The following NFIA variants were observed in gnomAD, a reference collection of about 807,000 sequenced individuals.
NFIA encodes the protein nuclear factor 1 A-type.
A neutral mutation model predicts 62.8 loss-of-function variants in NFIA; 8 were observed. The observed-to-expected ratio is 0.13, with a 90% confidence interval of 0.07 to 0.23. The LOEUF (loss-of-function observed/expected upper bound fraction) is 0.23, where lower values mean the gene tolerates loss of function less well. NFIA is among the 10% of genes least tolerant of loss of function. The probability of loss-of-function intolerance (pLI) is 1.00; values close to 1 mark genes in which losing one functional copy is unlikely to be tolerated. For synonymous variants in NFIA, 235 were observed against 238.1 expected, an observed-to-expected ratio of 0.99 and a Z score of 0.12; for missense variants, 410 against 642.1, an observed-to-expected ratio of 0.64 and a Z score of 3.91.
intron 4 of NFIA, among the ~76,000 whole-genome samples, chr1:61,341,835 T>C (rs1428833067): frequency 6.6e-6 from 1 of 152,202 alleles, no homozygotes; most frequent in African/African-American, 2.4e-5. Context: ...AACTTTTTAA[T>C]GGTGGATATT....
intron 2 of NFIA, among the ~76,000 whole-genome samples, chr1:61,223,269 A>G (rs1654127021): frequency 6.6e-6 from 1 of 152,096 alleles, no homozygotes; most frequent in Non-Finnish European, 1.5e-5. Context: ...CTCTTTGGCC[A>G]GGAAATAGAG....
chr1:61,112,625 T>C (rs1488085950), intron 2 of NFIA, among the ~76,000 whole-genome samples: 1 of 152,184 alleles, frequency 6.6e-6, no homozygotes, highest in Non-Finnish European at 1.5e-5. Context: ...GTGTGATAGC[T>C]CACATCTGTA....
chr1:61,401,958 G>C (rs1313889698), intron 7 of NFIA, among the ~76,000 whole-genome samples: 1 of 151,498 alleles, frequency 6.6e-6, no homozygotes, highest in Admixed American at 6.6e-5. Context: ...TTAGCTTGTG[G>C]GTTTTAACAA....
intron 4 of NFIA, among the ~76,000 whole-genome samples, chr1:61,338,308 G>C (rs967846915): frequency 2.6e-5 from 4 of 152,208 alleles, no homozygotes; most frequent in Non-Finnish European, 5.9e-5. Context: ...CTCAGCTGCC[G>C]GGTCCACTAC....
chr1:61,412,719 G>C (rs1208187747), intron 9 of NFIA, among the ~76,000 whole-genome samples: 3 of 152,150 alleles, frequency 2.0e-5, no homozygotes, highest in Non-Finnish European at 4.4e-5. Flanking sequence ...GGGTTTTTCT[G>C]TGTGTATCAT....
At chr1:61,378,756 C>T (rs78759798) in intron 6 of NFIA, among the ~76,000 whole-genome samples, 10,584 of 152,226 alleles carry the variant, frequency 0.07, 478 homozygotes, top group Admixed American at 0.11. Context: ...TGCTGACTCT[C>T]GTGATTGTTG....
intron 5 of NFIA, among the ~76,000 whole-genome samples, chr1:61,357,705 G>T (rs1663038330): frequency 6.6e-6 from 1 of 152,162 alleles, no homozygotes; most frequent in East Asian, 1.9e-4. Flanking sequence ...CTCCATGTCT[G>T]ACTCATCTCT....
intron 2 of NFIA, among the ~76,000 whole-genome samples, chr1:61,145,135 C>A (rs912211430): frequency 3.3e-5 from 5 of 152,112 alleles, no homozygotes; most frequent in Admixed American, 6.5e-5. Context: ...AATAGTAAAT[C>A]AGAATCAGAC....
intron 6 of NFIA, among the ~76,000 whole-genome samples, chr1:61,379,397 T>A (rs1664299889): frequency 7.2e-6 from 1 of 139,708 alleles, no homozygotes; most frequent in Non-Finnish European, 1.6e-5. Context: ...TAACTTTTTC[T>A]TTTTCTTTTT....
chr1:61,128,815 C>T (rs555268180), intron 2 of NFIA, among the ~76,000 whole-genome samples: 2 of 151,578 alleles, frequency 1.3e-5, no homozygotes, highest in African/African-American at 4.8e-5. Context: ...GATAGAATTC[C>T]CTATGCTCTA....
chr1:61,321,450 AGGAAGGAAGGAAGGAC>A (rs1219336890), intron 3 of NFIA, among the ~76,000 whole-genome samples: 1 of 151,984 alleles, frequency 6.6e-6, no homozygotes, highest in Non-Finnish European at 1.5e-5. Flanking sequence ...AAGGGAAGGA[AGGAAGGAAGGAAGGAC>A]GGAAGGATAT....
chr1:61,207,435 G>C (rs1557637152), intron 2 of NFIA, among the ~76,000 whole-genome samples: 2 of 151,986 alleles, frequency 1.3e-5, no homozygotes, highest in South Asian at 4.1e-4. Context: ...TTAACTTCAT[G>C]GTTTTATCTC....
intron 2 of NFIA, among the ~76,000 whole-genome samples, chr1:61,147,202 A>T (rs901069205): frequency 6.6e-6 from 1 of 151,420 alleles, no homozygotes; most frequent in East Asian, 1.9e-4. Flanking sequence ...CCAGGCTGGC[A>T]TCCATTGGTG....
At chr1:61,255,256 C>T (rs1412915192) in intron 2 of NFIA, among the ~76,000 whole-genome samples, 1 of 152,234 alleles carries the variant, frequency 6.6e-6, no homozygotes, top group Non-Finnish European at 1.5e-5. Context: ...ACATTTCCCA[C>T]AGTCTGAGAC....
chr1:61,258,118 A>C (rs1269037986), intron 2 of NFIA, among the ~76,000 whole-genome samples: 1 of 152,212 alleles, frequency 6.6e-6, no homozygotes, highest in African/African-American at 2.4e-5. Flanking sequence ...ATATACCTGT[A>C]GTATGTTAAT....
intron 10 of NFIA, among the ~76,000 whole-genome samples, chr1:61,451,226 C>T (rs980036266): frequency 6.6e-6 from 1 of 152,096 alleles, no homozygotes; most frequent in African/African-American, 2.4e-5. Flanking sequence ...GAATGGGATT[C>T]GAACTTTCAT....
intron 3 of NFIA, among the ~76,000 whole-genome samples, chr1:61,295,478 T>C: frequency 6.6e-6 from 1 of 152,274 alleles, no homozygotes; most frequent in East Asian, 1.9e-4. Context: ...TTCGAAGTGG[T>C]ACATTGGATA....
intron 9 of NFIA, among the ~76,000 whole-genome samples, chr1:61,410,131 G>A (rs1231309934): frequency 6.6e-6 from 1 of 152,126 alleles, no homozygotes; most frequent in Non-Finnish European, 1.5e-5. Context: ...AGTTTACACA[G>A]GATGACACCG....
At chr1:61,151,560 T>C (rs1260896772) in intron 2 of NFIA, among the ~76,000 whole-genome samples, 3 of 151,994 alleles carry the variant, frequency 2.0e-5, no homozygotes, top group Non-Finnish European at 4.4e-5. Flanking sequence ...AAAGAAGGAA[T>C]GAGATTTATG....
Sources: allele counts gnomAD v4.1 joint callset (sites outside exome capture counted in the v4.1 genomes callset), GRCh38; gene constraint gnomAD v4.1.1; transcripts MANE v1.5; gene names NCBI Gene and HGNC (gene_info 2026-07-23, HGNC 2026-07-21).